RP1L1: variants seen among roughly 807,000 people sequenced by gnomAD.
RP1L1 encodes the protein retinitis pigmentosa 1-like 1 protein.
In RP1L1, 27 loss-of-function variants were observed where a neutral mutation model predicts 15.7. The observed-to-expected ratio is 1.72, with a 90% CI of 1.27 to 2.38. The LOEUF is 2.38. Ranked by LOEUF, RP1L1 falls within the 30% of genes most tolerant of loss-of-function variation. RP1L1 has a pLI of 0.00. For synonymous variants in RP1L1, 1,813 were observed against 1,276.7 expected (o/e 1.42, Z -8.96); for missense variants, 4,798 against 3,075.9 (o/e 1.56, Z -13.24).
At chr8:10,647,008 G>A (rs1798489245) in intron 1 of RP1L1, among the ~76,000 whole-genome samples, 1 of 152,250 alleles carries the variant, frequency 6.6e-6, no homozygotes, top group African/African-American at 2.4e-5. Context: ...TGGCAAGGCA[G>A]TGCCTGACCA....
chr8:10,616,505 T>C lies in RP1L1; in HGVS notation c.692A>G (p.Lys231Arg), dbSNP rs1051753767. ...GHEAFRTPAM[K>R]NARRSEAETL... is the part of the protein sequence containing the mutation. ...TTCAGCCTCGCTTCTCCTGGCATTTTTCATGGCTGGGGTTCTGAAGGCCTC... is the reference window on the plus strand; with the variant it reads ...TTCAGCCTCGCTTCTCCTGGCATTTCTCATGGCTGGGGTTCTGAAGGCCTC... Residue 231 changes from lysine (K) to arginine (R), a missense_variant, in exon 3 of 4, where the codon AAA becomes AGA. By Grantham distance (26) the Lys-to-Arg change is conservative. Transcript: ENST00000382483. 6.2e-7 allele frequency: 1 copy of C among 1,614,224 alleles called. No homozygotes were observed.
intron 1 of RP1L1, among the ~76,000 whole-genome samples, chr8:10,632,895 A>G (rs1798273612): frequency 1.3e-5 from 2 of 152,076 alleles, no homozygotes. Context: ...TGCCCAGCCC[A>G]TCCTTCAGCG....
intron 3 of RP1L1, 77 bp downstream of exon 3, chr8:10,616,369 T>C: frequency 1.3e-6 from 2 of 1,593,430 alleles, no homozygotes; most frequent in African/African-American, 1.3e-5. Context: ...CTGAATTACC[T>C]GGAAGGCTTT....
chr8:10,632,326 C>A (rs11778453), intron 1 of RP1L1, among the ~76,000 whole-genome samples: 2 of 152,062 alleles, frequency 1.3e-5, no homozygotes, highest in Non-Finnish European at 2.9e-5. Flanking sequence ...TTTTCCTCAG[C>A]CTTTTCTCCT....
At chr8:10,651,424 A>T (rs972243420) in intron 1 of RP1L1, among the ~76,000 whole-genome samples, 4 of 152,200 alleles carry the variant, frequency 2.6e-5, no homozygotes, top group African/African-American at 9.7e-5. Flanking sequence ...TAAACTAAAA[A>T]ATAGAAATAA....
At chr8:10,649,910 C>T (rs1417653760) in intron 1 of RP1L1, among the ~76,000 whole-genome samples, 3 of 152,198 alleles carry the variant, frequency 2.0e-5, no homozygotes, top group African/African-American at 4.8e-5. Flanking sequence ...CCACCTCTTG[C>T]TTGCTGTCAC....
In RP1L1 at chr8:10,622,782, G is replaced by GC. The variant is rs777388721; in HGVS notation, c.419dup (p.Thr141HisfsTer9). On this transcript the variant is annotated frameshift_variant, in exon 2 of 4. Coordinates refer to ENST00000382483, the MANE Select transcript of RP1L1 (RefSeq NM_178857.6). LOFTEE classifies it high-confidence loss of function. Reference sequence around the variant, plus strand: ...TAAGACTCTTCCGGGAGGAGGAGGTGCCTGGGGCTTCACGCTGGCCTTCGA... The same window carrying GC: ...TAAGACTCTTCCGGGAGGAGGAGGTGCCCTGGGGCTTCACGCTGGCCTTCGA... The GC allele has an allele frequency of 6.2e-7, 1 of 1,613,922 alleles. No individual in the cohort carries two copies. Among genetic ancestry groups the GC allele is most frequent in the Non-Finnish European group, 8.5e-7 (1 of 1,179,950 alleles).
chr8:10,631,123 G>A (rs1170315681), intron 1 of RP1L1, among the ~76,000 whole-genome samples: 3 of 152,026 alleles, frequency 2.0e-5, no homozygotes, highest in African/African-American at 4.8e-5. Context: ...TTGTGAAAGC[G>A]GTGATCACCC....
At chr8:10,640,307 T>G (rs754328753) in intron 1 of RP1L1, among the ~76,000 whole-genome samples, 3 of 152,218 alleles carry the variant, frequency 2.0e-5, no homozygotes, top group Non-Finnish European at 4.4e-5. Flanking sequence ...GGTAACAGAA[T>G]TTTTCAAAGA....
At position 10,609,416 on chromosome 8, in the gene RP1L1, T is replaced by G. The variant is rs374730286; in HGVS notation, c.4682A>C (p.Gln1561Pro). ...DLLDQMAAELQQDVAQRLQDS... is the reference protein window; with the variant it reads ...DLLDQMAAELPQDVAQRLQDS... Reference sequence around the variant, plus strand: ...CTGGAGGCGTTGGGCCACGTCCTGCTGCAGCTCGGCCGCCATCTGGTCCAG... The same window carrying G: ...CTGGAGGCGTTGGGCCACGTCCTGCGGCAGCTCGGCCGCCATCTGGTCCAG... The change falls in exon 4 of 4, where the codon CAG becomes CCG. Residue 1561 changes from glutamine (Q) to proline (P), a missense_variant. Gln to Pro is a moderately conservative substitution (Grantham distance 76). Coordinates refer to ENST00000382483, the MANE Select transcript of RP1L1 (RefSeq NM_178857.6). 3 of 1,612,326 alleles carry G rather than the reference T, an allele frequency of 1.9e-6. No homozygotes were observed. In the African/African-American group the frequency reaches 4.0e-5, roughly 21 times the overall value.
In RP1L1 at chr8:10,616,526, G is replaced by C. The variant is rs757526920; in HGVS notation, c.671C>G (p.Ala224Gly). Residue 224 changes from alanine to glycine, a missense_variant, in exon 3 of 4, where the codon GCC becomes GGC. Ala to Gly is a moderately conservative substitution (Grantham distance 60). Transcript: ENST00000382483. ...ATTTTTCATGGCTGGGGTTCTGAAGGCCTCATGCCCGGCACACACCAGCAC... is the reference window on the plus strand; with the variant it reads ...ATTTTTCATGGCTGGGGTTCTGAAGCCCTCATGCCCGGCACACACCAGCAC... The part of the protein sequence containing the change: ...PSVLVCAGHE[A>G]FRTPAMKNAR... 2 of 1,614,152 alleles carry C rather than the reference G, an allele frequency of 1.2e-6. No homozygotes were observed. The highest frequency in any genetic ancestry group is 1.7e-6 in the Non-Finnish European group (2 of 1,180,034).
At chr8:10,616,207 C>T (rs551509512) in intron 3 of RP1L1, among the ~76,000 whole-genome samples, 2 of 152,298 alleles carry the variant, frequency 1.3e-5, no homozygotes, top group African/African-American at 2.4e-5. Flanking sequence ...CCATGCCCAG[C>T]CTCTGTTCCT....
At chr8:10,614,562 G>A (rs1797933298) in intron 3 of RP1L1, among the ~76,000 whole-genome samples, 1 of 151,354 alleles carries the variant, frequency 6.6e-6, no homozygotes, top group Non-Finnish European at 1.5e-5. Context: ...TCGGGAGGCT[G>A]AGGCACAAAA....
At chr8:10,627,286 G>C (rs1276766610) in intron 1 of RP1L1, among the ~76,000 whole-genome samples, 2 of 152,106 alleles carry the variant, frequency 1.3e-5, no homozygotes, top group African/African-American at 4.8e-5. Flanking sequence ...GACAAACAAA[G>C]GAGACTTACT....
chr8:10,629,833 C>T (rs901319227), intron 1 of RP1L1, among the ~76,000 whole-genome samples: 3 of 150,638 alleles, frequency 2.0e-5, no homozygotes, highest in Non-Finnish European at 4.5e-5. Flanking sequence ...TGCTGTGGGC[C>T]CTGGAGTTTG....
At chr8:10,619,483 A>C (rs113599818) in intron 2 of RP1L1, among the ~76,000 whole-genome samples, 1 of 152,120 alleles carries the variant, frequency 6.6e-6, no homozygotes, top group Non-Finnish European at 1.5e-5. Context: ...CAACCCCCCA[A>C]AACTCACCTT....
rs1455547306 is a variant in RP1L1 at position 10,608,459 on chromosome 8, T to C, written c.5639A>G (p.Glu1880Gly). 5.0e-6 allele frequency: 8 copies of C among 1,600,124 alleles called. No individual in the cohort carries two copies. Among genetic ancestry groups the C allele is most frequent in the Non-Finnish European group, 6.8e-6 (8 of 1,173,876 alleles). ...ESEDVEAPEA[E>G]GEAQPESEDV... The stretch of plus-strand genomic sequence containing the variant: ...TTCTGACTCTGGCTGGGCCTCTCCT[T>C]CTGCCTCTGGGGCCTCTACATCTTC... Residue 1880 changes from glutamate (E) to glycine (G), a missense_variant, in exon 4 of 4, where the codon GAA becomes GGA. Transcript: ENST00000382483.
intron 1 of RP1L1, among the ~76,000 whole-genome samples, chr8:10,626,729 C>G (rs1798164845): frequency 6.6e-6 from 1 of 152,196 alleles, no homozygotes; most frequent in Non-Finnish European, 1.5e-5. Context: ...GAAAAAACCC[C>G]AAATCTGTGT....
At chr8:10,630,917 G>A (rs1005645250) in intron 1 of RP1L1, among the ~76,000 whole-genome samples, 5 of 152,294 alleles carry the variant, frequency 3.3e-5, no homozygotes, top group Admixed American at 3.3e-4. Context: ...AGACTTCCCA[G>A]CTGGGCTTGT....
Sources: gnomAD v4.1 joint callset for allele counts (sites outside exome capture counted in the v4.1 genomes callset) on GRCh38, gnomAD v4.1.1 for gene constraint, MANE v1.5 for transcripts, NCBI Gene and HGNC (gene_info 2026-07-23, HGNC 2026-07-21) for gene names.